Variants in FHL1 observed in about 807,000 individuals in gnomAD.
FHL1 encodes four and a half LIM domains protein 1.
FHL1 carries 1 observed loss-of-function variant against 20.3 expected under a neutral mutation model. That is an observed-to-expected ratio of 0.05 (90% CI 0.02 to 0.23). The LOEUF (loss-of-function observed/expected upper bound fraction) is 0.23. Among genes scored for constraint, FHL1 ranks in the 10% least tolerant of loss-of-function variants. FHL1 has a pLI of 1.00. For synonymous variants in FHL1, 82 were observed against 88.9 expected (o/e 0.92, Z 0.44); for missense variants, 177 against 234.0 (o/e 0.76, Z 1.59).
chrX:136,155,286 T>C (rs933773260), intron 1 of FHL1, among the ~76,000 whole-genome samples: 1 of 112,017 alleles, frequency 8.9e-6, no homozygotes, highest in Non-Finnish European at 1.9e-5. Flanking sequence ...GGGCCAGGGC[T>C]GTTTTTCAGC....
intron 2 of FHL1, among the ~76,000 whole-genome samples, chrX:136,185,611 T>A (rs2073267512): frequency 9.0e-6 from 1 of 111,685 alleles, no homozygotes; most frequent in Non-Finnish European, 1.9e-5. Flanking sequence ...TGGTGACAAA[T>A]AGTCATAGAA....
chrX:136,209,350 C>T lies in FHL1; in HGVS notation c.737-521C>T, dbSNP rs1449489446. 10 of 1,211,229 alleles carry T rather than the reference C, an allele frequency of 8.3e-6. No homozygotes were observed. The highest frequency in any genetic ancestry group is 3.0e-5 in the East Asian group (1 of 33,809). On this transcript the variant is annotated intron_variant, in intron 5 of 5. Coordinates refer to ENST00000370683, the MANE Select transcript of FHL1 (RefSeq NM_001159699.2). ...CACCCTGTTTCCCAGCGCCAACCTC[C>T]GGGGCAGGCATCCGGGTGGAGAGAG... is the stretch of plus-strand genomic sequence containing the variant.
intron 1 of FHL1, among the ~76,000 whole-genome samples, chrX:136,157,608 C>A: frequency 9.0e-6 from 1 of 111,014 alleles, no homozygotes; most frequent in Non-Finnish European, 1.9e-5. Flanking sequence ...TTATCCTTGC[C>A]CCTTTTCCAG....
intron 1 of FHL1, among the ~76,000 whole-genome samples, chrX:136,163,850 T>C (rs1336568227): frequency 8.9e-6 from 1 of 112,195 alleles, no homozygotes; most frequent in Non-Finnish European, 1.9e-5. Context: ...ATGGTCATCA[T>C]GTCAGAGGGA....
At chrX:136,169,947 G>A (rs1467172492) in exon 2 of FHL1, 2 of 330,606 alleles carry the variant, frequency 6.0e-6, no homozygotes, top group Admixed American at 3.1e-5. Flanking sequence ...AGCCTTTGCC[G>A]AATACATCCT....
intron 1 of FHL1, among the ~76,000 whole-genome samples, chrX:136,153,183 T>G (rs1301026736): frequency 1.8e-5 from 2 of 110,412 alleles, no homozygotes; most frequent in African/African-American, 6.6e-5. Flanking sequence ...ATATTTACTT[T>G]AAGTTTTAAC....
chrX:136,196,794 G>A (rs145785522), upstream of FHL1: 39 of 1,162,508 alleles, frequency 3.4e-5, no homozygotes, highest in East Asian at 1.1e-3. Flanking sequence ...ATTTTATTCC[G>A]GTACAGGGAT....
At chrX:136,179,054 G>A (rs2073087329) in intron 2 of FHL1, among the ~76,000 whole-genome samples, 1 of 112,086 alleles carries the variant, frequency 8.9e-6, no homozygotes, top group Non-Finnish European at 1.9e-5. Context: ...ACTGTGCCCA[G>A]CCGATAGGAC....
In FHL1 at chrX:136,158,482, T is replaced by C. The variant is rs746194283; in HGVS notation, c.-101+10854T>C. The stretch of plus-strand genomic sequence containing the variant: ...CTGCCCTATCTTCCTTCCCTGATTT[T>C]CCTCCTCCATGTCTTTCCCGTATCC... On this transcript the variant is annotated intron_variant, in intron 1 of 7. Transcript: ENST00000394155. Among the ~76,000 whole-genome samples the C allele has an allele frequency of 2.7e-5, 3 of 111,730 alleles. No individual in the cohort carries two copies. The East Asian group carries it at 8.4e-4, about 31-fold the overall frequency.
chrX:136,147,268 C>A (rs1301042666), upstream of FHL1: 14 of 111,415 alleles, frequency 1.3e-4, no homozygotes, highest in East Asian at 4.2e-3. Flanking sequence ...TCTCCAGTGG[C>A]GGGGGCACGT....
At chrX:136,163,115 CCA>C (rs1411145529) in intron 1 of FHL1, among the ~76,000 whole-genome samples, 1 of 112,107 alleles carries the variant, frequency 8.9e-6, no homozygotes, top group Non-Finnish European at 1.9e-5. Flanking sequence ...TTTAATCACC[CCA>C]CCTCTTAGAG....
intron 2 of FHL1, among the ~76,000 whole-genome samples, chrX:136,190,565 A>T (rs1223930601): frequency 8.9e-6 from 1 of 111,961 alleles, no homozygotes; most frequent in Non-Finnish European, 1.9e-5. Flanking sequence ...GGCTGAGATA[A>T]CTTGACTGGA....
chrX:136,209,408 G>C (rs1210709806), intron 5 of FHL1: 2 of 1,208,863 alleles, frequency 1.7e-6, no homozygotes, highest in Non-Finnish European at 2.2e-6. Context: ...GTTCTTTATA[G>C]AAAAAATCGA....
chrX:136,168,721 A>G (rs1470635342), upstream of FHL1, among the ~76,000 whole-genome samples: 4 of 111,433 alleles, frequency 3.6e-5, no homozygotes, highest in Admixed American at 9.5e-5. Context: ...GATCCTGACA[A>G]TCGTCGTCAG....
chrX:136,175,167 G>A (rs1378784929), intron 2 of FHL1, among the ~76,000 whole-genome samples: 1 of 112,063 alleles, frequency 8.9e-6, no homozygotes, highest in Non-Finnish European at 1.9e-5. Context: ...TTATCCAATT[G>A]ATAGATGGGT....
At chrX:136,166,669 A>G (rs1328586543), upstream of FHL1, among the ~76,000 whole-genome samples, 1 of 112,163 alleles carries the variant, frequency 8.9e-6, no homozygotes, top group Admixed American at 9.5e-5. Flanking sequence ...AATCAATTCC[A>G]GAAGGGTGAG....
At chrX:136,205,837 C>G (rs771548482) in intron 1 of FHL1, among the ~76,000 whole-genome samples, 214 of 111,501 alleles carry the variant, frequency 1.9e-3, no homozygotes, top group Non-Finnish European at 3.4e-3. Flanking sequence ...GAGCTGAAAG[C>G]GGGCAGAGAG....
chrX:136,207,332 C>T (rs1394468525), intron 3 of FHL1, 142 bp downstream of exon 3: 6 of 526,895 alleles, frequency 1.1e-5, no homozygotes, highest in East Asian at 7.2e-5. Flanking sequence ...TATACATACA[C>T]GTATATATGC....
At chrX:136,194,466 C>T (rs1202145971), upstream of FHL1, among the ~76,000 whole-genome samples, 3 of 110,820 alleles carry the variant, frequency 2.7e-5, no homozygotes, top group Non-Finnish European at 3.8e-5. Context: ...CAGAGGGTCA[C>T]ATGGAAGGGA....
Sources: gnomAD v4.1 joint callset for allele counts (sites outside exome capture counted in the v4.1 genomes callset) on GRCh38, gnomAD v4.1.1 for gene constraint, MANE v1.5 for transcripts, NCBI Gene and HGNC (gene_info 2026-07-23, HGNC 2026-07-21) for gene names.